RASGEF1C: variants seen among roughly 807,000 people sequenced by gnomAD.
RASGEF1C encodes the protein ras-GEF domain-containing family member 1C.
A neutral mutation model predicts 58.1 loss-of-function variants in RASGEF1C; 27 were observed. The ratio of observed to expected loss-of-function variants is 0.46; its 90% CI spans 0.34 to 0.64. The LOEUF (loss-of-function observed/expected upper bound fraction) is 0.64. RASGEF1C is among the 30% of genes least tolerant of loss of function. RASGEF1C has a pLI of 0.01. For missense variants in RASGEF1C, 502 were observed against 605.1 expected (o/e 0.83, Z 1.79); for synonymous variants, 243 against 246.3 (o/e 0.99, Z 0.13).
In RASGEF1C at chr5:180,101,384, G is replaced by A; in HGVS notation, c.*117C>T. The A allele has an allele frequency of 1.6e-6, 2 of 1,230,282 alleles. No homozygotes were observed. The highest frequency in any genetic ancestry group is 2.3e-6 in the Non-Finnish European group (2 of 866,394). The allele number at this position is 1,230,282 out of a possible 1,614,324, so 76.2% of individuals were successfully genotyped here. On this transcript the variant is annotated 3_prime_UTR_variant, in exon 14 of 14. Transcript: ENST00000361132. ...GGGGGGGCGGGCAGCAGGCCACAGG[G>A]TCGGCATTTGCAAAATAGTGAGGCA...
rs746500430 is a variant in RASGEF1C at position 180,128,550 on chromosome 5, G to A, written c.499C>T (p.Arg167Cys). Reference sequence around the variant, plus strand: ...CCCACCAGACCTTCTGGCCCCTGGCGCAGAGCCGCCAGCTTCTGGTGCAGA... The same window carrying A: ...CCCACCAGACCTTCTGGCCCCTGGCACAGAGCCGCCAGCTTCTGGTGCAGA... ...QALHQKLAAL[R>C]QGPEGLVGAD... Residue 167 changes from arginine (R) to cysteine (C), a missense_variant, in exon 5 of 14, where the codon CGC becomes TGC. By Grantham distance (180) the Arg-to-Cys change is radical. Coordinates refer to ENST00000361132, the MANE Select transcript of RASGEF1C (RefSeq NM_175062.4). 1.2e-5 allele frequency: 19 copies of A among 1,613,948 alleles called. No homozygotes were observed. The highest frequency in any genetic ancestry group is 6.7e-5 in the African/African-American group (5 of 74,934).
At chr5:180,208,997 G>T (rs1022093492) in intron 1 of RASGEF1C, 31 bp downstream of exon 1, 2 of 146,246 alleles carry the variant, frequency 1.4e-5, no homozygotes, top group African/African-American at 4.9e-5. Flanking sequence ...TGCCCGCACC[G>T]CCAGGTGTCC....
intron 1 of RASGEF1C, among the ~76,000 whole-genome samples, chr5:180,148,452 T>C (rs1766692763): frequency 6.6e-6 from 1 of 152,132 alleles, no homozygotes; most frequent in African/African-American, 2.4e-5. Flanking sequence ...TGTTCTTTTT[T>C]TGTGGTGAAA....
chr5:180,122,613 T>A (rs10068778), intron 6 of RASGEF1C, among the ~76,000 whole-genome samples: 84 of 151,392 alleles, frequency 5.5e-4, no homozygotes, highest in Admixed American at 6.6e-4. Context: ...TGGTGGTGGG[T>A]GCCTGTAATC....
chr5:180,188,416 A>C (rs1406072558), intron 1 of RASGEF1C, among the ~76,000 whole-genome samples: 2 of 152,216 alleles, frequency 1.3e-5, no homozygotes, highest in African/African-American at 4.8e-5. Flanking sequence ...GCAGTTACAG[A>C]ACCTTTGCAA....
chr5:180,197,295 G>A lies in RASGEF1C; in HGVS notation c.-7+11733C>T, dbSNP rs1311833235. ...CAGAGGGGAGCCCGAACCCTGGGACGGCAGGGGGAAGCAATGGCGGGATCC... is the reference window on the plus strand; with the variant it reads ...CAGAGGGGAGCCCGAACCCTGGGACAGCAGGGGGAAGCAATGGCGGGATCC... On this transcript the variant is annotated intron_variant, in intron 1 of 13. Coordinates refer to ENST00000361132, the MANE Select transcript of RASGEF1C (RefSeq NM_175062.4). This position sits in a 1 kb window ranked among gnomAD's most constrained non-coding sequence, Gnocchi z 4.7. 3.3e-5 allele frequency among the ~76,000 whole-genome samples: 5 copies of A among 152,226 alleles called. No homozygotes were observed. Among genetic ancestry groups the A allele is most frequent in the South Asian group, 4.1e-4 (2 of 4,832 alleles).
intron 12 of RASGEF1C, among the ~76,000 whole-genome samples, chr5:180,103,207 G>A (rs546541864): frequency 9.5e-4 from 145 of 152,144 alleles, no homozygotes; most frequent in South Asian, 2.3e-3. Context: ...CCTCCCGAGT[G>A]GCTGGGACTA....
intron 1 of RASGEF1C, among the ~76,000 whole-genome samples, chr5:180,153,246 A>G (rs1210670706): frequency 6.6e-6 from 1 of 152,206 alleles, no homozygotes; most frequent in Non-Finnish European, 1.5e-5. Context: ...CAGAGGCAGC[A>G]GAACACAGAT....
chr5:180,179,190 G>A (rs1767280043), intron 1 of RASGEF1C, among the ~76,000 whole-genome samples: 1 of 152,144 alleles, frequency 6.6e-6, no homozygotes, highest in African/African-American at 2.4e-5. Context: ...CATGGGCCGT[G>A]TTGATGTTTG....
chr5:180,191,119 A>C (rs1474973737), intron 1 of RASGEF1C, among the ~76,000 whole-genome samples: 1 of 152,234 alleles, frequency 6.6e-6, no homozygotes, highest in Non-Finnish European at 1.5e-5. Flanking sequence ...TAGAACGGCT[A>C]AAACTTAAAG....
intron 1 of RASGEF1C, among the ~76,000 whole-genome samples, chr5:180,178,578 C>T (rs1296912943): frequency 6.6e-6 from 1 of 152,100 alleles, no homozygotes; most frequent in Non-Finnish European, 1.5e-5. Context: ...CCGTGACTGG[C>T]TATCCCAGGG....
intron 1 of RASGEF1C, among the ~76,000 whole-genome samples, chr5:180,152,387 C>A (rs1392407268): frequency 1.3e-4 from 19 of 151,992 alleles, no homozygotes; most frequent in African/African-American, 2.9e-4. Context: ...GCAGCCATAA[C>A]AAATGAAGAG....
intron 1 of RASGEF1C, among the ~76,000 whole-genome samples, chr5:180,193,199 G>A: frequency 8.4e-6 from 1 of 118,950 alleles, no homozygotes; most frequent in East Asian, 3.2e-4. Flanking sequence ...GGGACTACAG[G>A]TGCCCGCCAC....
At chr5:180,163,828 T>C (rs1268680743) in intron 1 of RASGEF1C, among the ~76,000 whole-genome samples, 1 of 152,226 alleles carries the variant, frequency 6.6e-6, no homozygotes, top group African/African-American at 2.4e-5. Flanking sequence ...CTTCATTAAA[T>C]GATTGGTAGA....
chr5:180,137,971 G>C lies in RASGEF1C; in HGVS notation c.82C>G (p.Gln28Glu), dbSNP rs756791784. Residue 28 changes from glutamine to glutamate, a missense_variant, in exon 2 of 14, where the codon CAG becomes GAG. Coordinates refer to ENST00000361132, the MANE Select transcript of RASGEF1C (RefSeq NM_175062.4). The surrounding 1 kb of genome is among the most constrained non-coding windows in gnomAD (Gnocchi z 4.1). ...PPPTEPTDGEQAGQPLLDGAP... is the reference protein window; with the variant it reads ...PPPTEPTDGEEAGQPLLDGAP... Reference sequence around the variant, plus strand: ...CCATCCAGGAGGGGCTGCCCAGCCTGTTCGCCATCTGTGGGCTCGGTGGGG... The same window carrying C: ...CCATCCAGGAGGGGCTGCCCAGCCTCTTCGCCATCTGTGGGCTCGGTGGGG... The C allele has an allele frequency of 4.4e-6, 7 of 1,602,524 alleles. No homozygotes were observed. In the African/African-American group the frequency reaches 8.1e-5, roughly 19 times the overall value.
rs531771987 is a variant in RASGEF1C, at chr5:180,134,950, C to T, written c.438+1428G>A. ...ATGCATCCACCTGCCTATCCAATTACCCAGTCACCTATTCTTTCCCACATT... is the reference window on the plus strand; with the variant it reads ...ATGCATCCACCTGCCTATCCAATTATCCAGTCACCTATTCTTTCCCACATT... On this transcript the variant is annotated intron_variant, in intron 4 of 13. Transcript: ENST00000361132. 3.6e-5 allele frequency among the ~76,000 whole-genome samples: 3 copies of T among 82,972 alleles called. No homozygotes were observed. In the South Asian group the frequency reaches 1.4e-3, roughly 40 times the overall value. The allele number at this position is 82,972 out of a possible 152,430, so 54.4% of individuals were successfully genotyped here.
chr5:180,171,850 G>A (rs758832137), intron 1 of RASGEF1C, among the ~76,000 whole-genome samples: 3 of 152,154 alleles, frequency 2.0e-5, no homozygotes, highest in Admixed American at 6.5e-5. Flanking sequence ...GGACCTGCTC[G>A]GCAGCCAGGG....
At chr5:180,136,798 G>C (rs1766487148) in intron 3 of RASGEF1C, 1 of 470,870 alleles carries the variant, frequency 2.1e-6, no homozygotes, top group Non-Finnish European at 3.8e-6. Context: ...GGAGTCCTCA[G>C]AGCAGGGGAC....
At position 180,119,459 on chromosome 5, in the gene RASGEF1C, G is replaced by A. The variant is rs1484422303; in HGVS notation, c.805-11C>T. The A allele has an allele frequency of 6.2e-7, 1 of 1,610,092 alleles. No individual in the cohort carries two copies. The highest frequency in any genetic ancestry group is 8.5e-7 in the Non-Finnish European group (1 of 1,176,642). ...CTTCTTCTTGGCTGGCTGGGGACAG[G>A]GCAGCAGAGCCTCAGTGGTGACACG... is the stretch of plus-strand genomic sequence containing the variant. On this transcript the variant is annotated splice_polypyrimidine_tract_variant and intron_variant, in intron 7 of 13. Transcript: ENST00000361132.
Sources: allele counts gnomAD v4.1 joint callset (sites outside exome capture counted in the v4.1 genomes callset), GRCh38; gene constraint gnomAD v4.1.1; non-coding constraint Gnocchi (gnomAD v3.1); transcripts MANE v1.5; gene names NCBI Gene and HGNC (gene_info 2026-07-23, HGNC 2026-07-21).